Variants in TRPV1 observed in about 807,000 individuals in gnomAD.
TRPV1 encodes transient receptor potential cation channel subfamily V member 1, also known as OTRPC1.
TRPV1 carries 82 observed loss-of-function variants against 82.3 expected under a neutral mutation model. That is an observed-to-expected ratio of 1.00 (90% CI 0.83 to 1.20). The LOEUF (loss-of-function observed/expected upper bound fraction) is 1.20. Ranked by LOEUF, TRPV1 falls within the 50% of genes most tolerant of loss-of-function variation. TRPV1 has a pLI of 0.00. For synonymous variants in TRPV1, 515 were observed against 467.7 expected (o/e 1.10, Z -1.30); for missense variants, 1,067 against 1,096.8 (o/e 0.97, Z 0.38).
In TRPV1 at chr17:3,593,122, G is replaced by C. The variant is rs866804879; in HGVS notation, c.-33-739C>G. ...TGTGTGTGTGTGTGTGTGTGTGTGT[G>C]TGTGTGTGTGTGTGTCTGTGTGTCT... On this transcript the variant is annotated intron_variant, in intron 2 of 16. Transcript: ENST00000572705. Among the ~76,000 whole-genome samples the C allele has an allele frequency of 6.7e-3, 410 of 61,582 alleles. 1 individual carries two copies. The highest frequency in any genetic ancestry group is 0.015 in the African/African-American group (119 of 7,768). 40.4% of individuals were successfully genotyped at this position (61,582 alleles called of 152,430 possible).
Position 3,571,517 on chromosome 17 carries a change from G to A in TRPV1, c.2347+7C>T, listed in dbSNP as rs201637139. ...GGAGGCGCCAAGCACCGGCCCTCAC[G>A]CCTCACCTCTGCTTGACCGCAGGGA... On this transcript the variant is annotated splice_region_variant and intron_variant, in intron 16 of 16. Coordinates refer to ENST00000572705, the MANE Select transcript of TRPV1 (RefSeq NM_080704.4). 4.5e-5 allele frequency: 72 copies of A among 1,585,280 alleles called. No individual in the cohort carries two copies. The highest frequency in any genetic ancestry group is 5.7e-5 in the Non-Finnish European group (66 of 1,165,404).
intron 2 of TRPV1, among the ~76,000 whole-genome samples, chr17:3,604,876 C>A (rs1011777974): frequency 6.6e-6 from 1 of 152,126 alleles, no homozygotes; most frequent in Non-Finnish European, 1.5e-5. Context: ...ACTCCCAAGG[C>A]CCCAGTCCTC....
chr17:3,588,873 C>T (rs1479728232), intron 7 of TRPV1: 1 of 1,523,986 alleles, frequency 6.6e-7, no homozygotes, highest in Admixed American at 2.0e-5. Flanking sequence ...TCAGATACTA[C>T]CTGCACCATA....
intron 16 of TRPV1, among the ~76,000 whole-genome samples, chr17:3,570,372 GAAAAAA>G (rs71153372): frequency 7.5e-6 from 1 of 133,106 alleles, no homozygotes; most frequent in Non-Finnish European, 1.6e-5. Context: ...TCCATCTCAG[GAAAAAA>G]AAAAAAAAAA....
chr17:3,586,362 G>A (rs757678156), intron 8 of TRPV1, among the ~76,000 whole-genome samples: 19 of 152,252 alleles, frequency 1.2e-4, no homozygotes, highest in Non-Finnish European at 1.3e-4. Context: ...GGGTCAGGCA[G>A]GGCGGCAGGG....
intron 16 of TRPV1, among the ~76,000 whole-genome samples, chr17:3,568,431 C>A (rs2150821566): frequency 6.6e-6 from 1 of 152,178 alleles, no homozygotes; most frequent in East Asian, 1.9e-4. Flanking sequence ...ACAAAGAGAT[C>A]ATCAATAAGC....
Position 3,577,209 on chromosome 17 carries a change from G to C in TRPV1, c.1714-17C>G. 1 of 1,570,424 alleles carries C rather than the reference G, an allele frequency of 6.4e-7. No individual in the cohort carries two copies. The highest frequency in any genetic ancestry group is 1.2e-5 in the South Asian group (1 of 85,198). ...CAGGATCATCTGCAGGAGACAGCAG[G>C]CTCATCAGAGCCGAGGCCAGGCCCA... On this transcript the variant is annotated splice_polypyrimidine_tract_variant and intron_variant, in intron 12 of 16. Coordinates refer to ENST00000572705, the MANE Select transcript of TRPV1 (RefSeq NM_080704.4).
intron 16 of TRPV1, among the ~76,000 whole-genome samples, chr17:3,567,323 C>A (rs2074779889): frequency 7.5e-6 from 1 of 133,384 alleles, no homozygotes; most frequent in South Asian, 2.5e-4. Flanking sequence ...GAGCCGAGAT[C>A]GTGCCACTGC....
chr17:3,578,404 C>G (rs938833562), intron 11 of TRPV1, among the ~76,000 whole-genome samples: 1 of 152,204 alleles, frequency 6.6e-6, no homozygotes, highest in Non-Finnish European at 1.5e-5. Context: ...TCACACCTGT[C>G]ATCCCAGAAC....
At position 3,568,205 on chromosome 17, in the gene TRPV1, C is replaced by T. The variant is rs558389592; in HGVS notation, c.2348-1218G>A. ...GGCGTAGTGGCGGGCGCCTGTAGTC[C>T]CAGCTACTCGGGAGGCTGAAGCAGG... On this transcript the variant is annotated intron_variant, in intron 16 of 16. Transcript: ENST00000572705. 1.5e-4 allele frequency among the ~76,000 whole-genome samples: 23 copies of T among 151,716 alleles called. No homozygotes were observed. The East Asian group carries it at 3.9e-3, about 26-fold the overall frequency.
chr17:3,571,642 G>A lies in TRPV1; in HGVS notation c.2232-3C>T, dbSNP rs1329392093. ...TGGTCCAGTTCACCTCGTCCACCCTGCAGGGTAAGGGGTCGGGAGAGCCTG... is the reference window on the plus strand; with the variant it reads ...TGGTCCAGTTCACCTCGTCCACCCTACAGGGTAAGGGGTCGGGAGAGCCTG... On this transcript the variant is annotated splice_polypyrimidine_tract_variant and splice_region_variant and intron_variant, in intron 15 of 16. Transcript: ENST00000572705. The A allele has an allele frequency of 6.2e-7, 1 of 1,603,852 alleles. No individual in the cohort carries two copies. Among genetic ancestry groups the A allele is most frequent in the Non-Finnish European group, 8.5e-7 (1 of 1,174,730 alleles).
chr17:3,592,423 G>A lies in TRPV1; in HGVS notation c.-33-40C>T, dbSNP rs907504919. On this transcript the variant is annotated intron_variant, in intron 2 of 16. Transcript: ENST00000572705. ...ACGCCGGGGTTGACTCCCAAAGTAA[G>A]GACTGCTTGTCCTTAGACCCCACCT... 3 of 1,498,492 alleles carry A rather than the reference G, an allele frequency of 2.0e-6. No individual in the cohort carries two copies. In the African/African-American group the frequency reaches 4.1e-5, roughly 21 times the overall value. 92.8% of individuals were successfully genotyped at this position (1,498,492 alleles called of 1,614,324 possible).
At chr17:3,588,933 A>G (rs1396736175) in intron 7 of TRPV1, 1 of 1,535,692 alleles carries the variant, frequency 6.5e-7, no homozygotes, top group South Asian at 1.2e-5. Context: ...CCATCTCACC[A>G]TGAAGGACAG....
At chr17:3,595,223 T>C (rs1364088375) in intron 2 of TRPV1, among the ~76,000 whole-genome samples, 2 of 152,106 alleles carry the variant, frequency 1.3e-5, no homozygotes, top group African/African-American at 4.8e-5. Flanking sequence ...ACCCACTTCA[T>C]TCCCACAACA....
chr17:3,583,633 G>T (rs111740278), intron 9 of TRPV1, among the ~76,000 whole-genome samples: 4 of 152,370 alleles, frequency 2.6e-5, no homozygotes, highest in African/African-American at 9.6e-5. Flanking sequence ...CAGCCTGCAG[G>T]TGCCAAGCGG....
chr17:3,594,547 C>T, intron 2 of TRPV1, among the ~76,000 whole-genome samples: 1 of 152,204 alleles, frequency 6.6e-6, no homozygotes, highest in Non-Finnish European at 1.5e-5. Flanking sequence ...GGACGGCTGG[C>T]TACTGGCCAT....
At chr17:3,605,806 C>G (rs2075292946) in intron 2 of TRPV1, among the ~76,000 whole-genome samples, 1 of 152,082 alleles carries the variant, frequency 6.6e-6, no homozygotes. Flanking sequence ...GAGAGAACAC[C>G]CAGCTACTAC....
chr17:3,572,025 A>G (rs2074860495), intron 15 of TRPV1, 97 bp downstream of exon 15: 4 of 1,490,024 alleles, frequency 2.7e-6, no homozygotes, highest in Non-Finnish European at 3.6e-6. Flanking sequence ...CCCTGTGCTC[A>G]TGACCAGCCC....
Position 3,588,262 on chromosome 17 carries a change from C to G in TRPV1, c.1150G>C (p.Asp384His). Reference sequence around the variant, plus strand: ...TCGCAGGTGTCGATGCAGGACAGGTCGTACAGCGAGGAGTGCACGGGCCCG... The same window carrying G: ...TCGCAGGTGTCGATGCAGGACAGGTGGTACAGCGAGGAGTGCACGGGCCCG... Reference protein sequence around the residue: ...AYGPVHSSLYDLSCIDTCEKN... With the variant: ...AYGPVHSSLYHLSCIDTCEKN... The change falls in exon 8 of 17, where the codon GAC becomes CAC. Residue 384 changes from aspartate to histidine, a missense_variant. Transcript: ENST00000572705. 6.3e-7 allele frequency: 1 copy of G among 1,583,192 alleles called. No homozygotes were observed. The highest frequency in any genetic ancestry group is 8.6e-7 in the Non-Finnish European group (1 of 1,165,346).
Sources: allele counts gnomAD v4.1 joint callset (sites outside exome capture counted in the v4.1 genomes callset), GRCh38; gene constraint gnomAD v4.1.1; transcripts MANE v1.5; gene names NCBI Gene and HGNC (gene_info 2026-07-23, HGNC 2026-07-21).